The following CAAP1 variants were observed in gnomAD, a reference collection of about 807,000 sequenced individuals.
The protein encoded by CAAP1 is conserved anti-apoptotic protein.
A neutral mutation model predicts 34.0 loss-of-function variants in CAAP1; 20 were observed. The observed-to-expected ratio is 0.59, with a 90% CI of 0.41 to 0.86. The LOEUF is 0.86. CAAP1 is among the 40% of genes least tolerant of loss of function. The pLI, the probability that CAAP1 is intolerant of heterozygous loss-of-function variation, is 0.00. For synonymous variants in CAAP1, 213 were observed against 166.7 expected (o/e 1.28, Z -2.14); for missense variants, 538 against 450.5 (o/e 1.19, Z -1.76).
At chr9:26,881,400 G>A (rs1226264394) in intron 4 of CAAP1, among the ~76,000 whole-genome samples, 1 of 152,174 alleles carries the variant, frequency 6.6e-6, no homozygotes, top group Non-Finnish European at 1.5e-5. Context: ...CATATTGTAG[G>A]AGCAACCTGG....
intron 5 of CAAP1, among the ~76,000 whole-genome samples, chr9:26,855,753 C>T (rs1822855547): frequency 6.6e-6 from 1 of 152,138 alleles, no homozygotes; most frequent in Non-Finnish European, 1.5e-5. Flanking sequence ...CTAGTATTTA[C>T]TGTCTTTCCT....
At chr9:26,869,098 TATA>T (rs1220029468) in intron 4 of CAAP1, among the ~76,000 whole-genome samples, 2 of 152,134 alleles carry the variant, frequency 1.3e-5, no homozygotes, top group Non-Finnish European at 2.9e-5. Flanking sequence ...TGTGGAAAAC[TATA>T]ATAATTGTTA....
intron 5 of CAAP1, among the ~76,000 whole-genome samples, chr9:26,857,300 C>T (rs1047471822): frequency 2.6e-5 from 4 of 152,188 alleles, no homozygotes; most frequent in African/African-American, 9.7e-5. Flanking sequence ...ACTGATGTTT[C>T]TTATACAACT....
intron 4 of CAAP1, among the ~76,000 whole-genome samples, chr9:26,864,641 C>G (rs1031336507): frequency 6.6e-6 from 1 of 152,136 alleles, no homozygotes; most frequent in African/African-American, 2.4e-5. Context: ...TAGGCATTTT[C>G]CTAAATAGGG....
At chr9:26,887,903 T>C (rs1823790895) in intron 1 of CAAP1, among the ~76,000 whole-genome samples, 1 of 152,240 alleles carries the variant, frequency 6.6e-6, no homozygotes, top group Non-Finnish European at 1.5e-5. Flanking sequence ...GTAAAGATGT[T>C]ACAAATCACA....
chr9:26,868,111 C>G (rs1823180315), intron 4 of CAAP1, among the ~76,000 whole-genome samples: 1 of 152,208 alleles, frequency 6.6e-6, no homozygotes, highest in Non-Finnish European at 1.5e-5. Flanking sequence ...GAGTTATCTT[C>G]AGTTTCGTAC....
intron 4 of CAAP1, chr9:26,880,435 G>A (rs752133744): frequency 8.5e-5 from 20 of 235,442 alleles, no homozygotes; most frequent in Non-Finnish European, 1.3e-4. Context: ...TAACAATGAG[G>A]TTTCTTCACC....
intron 5 of CAAP1, among the ~76,000 whole-genome samples, chr9:26,846,941 C>T (rs572628093): frequency 6.6e-6 from 1 of 152,242 alleles, no homozygotes; most frequent in South Asian, 2.1e-4. Context: ...CCTGCCTCAG[C>T]CTCCCAAAGT....
At chr9:26,854,994 T>C (rs1013551440) in intron 5 of CAAP1, among the ~76,000 whole-genome samples, 1 of 152,186 alleles carries the variant, frequency 6.6e-6, no homozygotes, top group Non-Finnish European at 1.5e-5. Flanking sequence ...CTTACAAAAC[T>C]AAACTTGGTA....
chr9:26,892,661 C>T lies in CAAP1; in HGVS notation c.55G>A (p.Ala19Thr), dbSNP rs1295708162. 3 of 1,607,206 alleles carry T rather than the reference C, an allele frequency of 1.9e-6. No individual in the cohort carries two copies. Among genetic ancestry groups the T allele is most frequent in the Non-Finnish European group, 1.7e-6 (2 of 1,179,114 alleles). Residue 19 changes from alanine to threonine, a missense_variant, in exon 1 of 6, where the codon GCG (alanine) becomes ACG (threonine). Transcript: ENST00000333916. ...TCCGGGGCCGCGAGCGCTGCGGCCGCCTCCTGACTGCTACGTTTGCGCCGT... is the reference window on the plus strand; with the variant it reads ...TCCGGGGCCGCGAGCGCTGCGGCCGTCTCCTGACTGCTACGTTTGCGCCGT... ...EKRRKRSSQE[A>T]AAALAAPDIV...
At chr9:26,884,926 A>C (rs1448516189) in intron 3 of CAAP1, 41 bp from the exon 4 acceptor site, 1 of 1,375,850 alleles carries the variant, frequency 7.3e-7, no homozygotes, top group Non-Finnish European at 1.0e-6. Flanking sequence ...ACTTATAAAA[A>C]CATTAAAATG....
intron 1 of CAAP1, among the ~76,000 whole-genome samples, chr9:26,889,573 G>A (rs1587132246): frequency 6.6e-6 from 1 of 151,844 alleles, no homozygotes; most frequent in Non-Finnish European, 1.5e-5. Flanking sequence ...TAGGGAACTC[G>A]GCCGGGCAGA....
chr9:26,887,211 CA>C (rs1260127923), intron 2 of CAAP1, 101 bp downstream of exon 2: 56 of 755,560 alleles, frequency 7.4e-5, no homozygotes, highest in Non-Finnish European at 1.1e-4. Flanking sequence ...GACTCCGTCT[CA>C]AAAAAACAAA....
At position 26,842,360 on chromosome 9, in the gene CAAP1, T is replaced by A. The variant is rs748370056; in HGVS notation, c.1027A>T (p.Met343Leu). Reference sequence around the variant, plus strand: ...AGGGCTTTAATCGCTCTTGCCCTCATCTCAAGTTCTAGCAGCTCCAGTTGC... The same window carrying A: ...AGGGCTTTAATCGCTCTTGCCCTCAACTCAAGTTCTAGCAGCTCCAGTTGC... ...AQQLELLELE[M>L]RARAIKALMK... is the part of the protein sequence containing the mutation. Residue 343 changes from methionine (M) to leucine (L), a missense_variant, in exon 6 of 6, where the codon ATG (methionine) becomes TTG (leucine). Physicochemically the swap from Met to Leu is conservative, Grantham distance 15. Coordinates refer to ENST00000333916, the MANE Select transcript of CAAP1 (RefSeq NM_024828.4). 2 of 1,613,826 alleles carry A rather than the reference T, an allele frequency of 1.2e-6. No individual in the cohort carries two copies. The highest frequency in any genetic ancestry group is 2.7e-5 in the African/African-American group (2 of 74,922).
chr9:26,872,009 A>G (rs1333675337), intron 4 of CAAP1, among the ~76,000 whole-genome samples: 1 of 152,178 alleles, frequency 6.6e-6, no homozygotes, highest in Non-Finnish European at 1.5e-5. Flanking sequence ...TGGATGGGCT[A>G]TGTAACTCTA....
intron 1 of CAAP1, among the ~76,000 whole-genome samples, chr9:26,892,013 G>A (rs1160127768): frequency 1.3e-5 from 2 of 151,994 alleles, no homozygotes; most frequent in East Asian, 3.9e-4. Context: ...TAACTTCTTT[G>A]GGCCTCAATT....
intron 4 of CAAP1, among the ~76,000 whole-genome samples, chr9:26,884,109 T>C (rs1236102048): frequency 6.6e-6 from 1 of 152,212 alleles, no homozygotes; most frequent in Non-Finnish European, 1.5e-5. Context: ...ACAAATCTCT[T>C]ATATTCTTCA....
At chr9:26,880,411 C>T in intron 4 of CAAP1, 1 of 279,742 alleles carries the variant, frequency 3.6e-6, no homozygotes, top group South Asian at 3.5e-5. Flanking sequence ...TGGAGTGCCA[C>T]AGTACCAGGC....
At position 26,887,516 on chromosome 9, in the gene CAAP1, A is replaced by G. The variant is rs1331794420; in HGVS notation, c.304-3T>C. 7 of 1,556,066 alleles carry G rather than the reference A, an allele frequency of 4.5e-6. No homozygotes were observed. In the Admixed American group the frequency reaches 1.3e-4, roughly 29 times the overall value. ...GTTGGCAAAATATATTTAGTTTCCT[A>G]AAGTTAAAAGAATAAAGAACCATTA... On this transcript the variant is annotated splice_region_variant and splice_polypyrimidine_tract_variant and intron_variant, in intron 1 of 5. Transcript: ENST00000333916.
Sources: allele counts gnomAD v4.1 joint callset (sites outside exome capture counted in the v4.1 genomes callset), GRCh38; gene constraint gnomAD v4.1.1; transcripts MANE v1.5; gene names NCBI Gene and HGNC (gene_info 2026-07-23, HGNC 2026-07-21).